RHOU: variants seen among roughly 807,000 people sequenced by gnomAD.
RHOU encodes the protein rho-related GTP-binding protein RhoU.
RHOU carries 8 observed loss-of-function variants against 12.6 expected under a neutral mutation model. That is an observed-to-expected ratio of 0.64 (90% CI 0.37 to 1.15). The LOEUF (loss-of-function observed/expected upper bound fraction) is 1.15. Among genes scored for constraint, RHOU ranks in the 50% most tolerant of loss-of-function variants. The pLI is 0.01. For synonymous variants in RHOU, 161 were observed against 147.4 expected (o/e 1.09, Z -0.67); for missense variants, 258 against 347.0 (o/e 0.74, Z 2.04).
At chr1:228,706,491 A>T in the RHOU span, among the ~76,000 whole-genome samples, 2 of 152,198 alleles carry the variant, frequency 1.3e-5, no homozygotes, top group Non-Finnish European at 2.9e-5. Flanking sequence ...TGAACAGTTA[A>T]CTGCCTATGA....
At chr1:228,670,349 G>T in the RHOU span, among the ~76,000 whole-genome samples, 4 of 152,228 alleles carry the variant, frequency 2.6e-5, no homozygotes, top group African/African-American at 9.6e-5. Flanking sequence ...CGCTAGCTGG[G>T]CAGTTGCCCA....
At chr1:228,736,869 CA>C (rs1403292763) in intron 1 of RHOU, among the ~76,000 whole-genome samples, 1 of 152,190 alleles carries the variant, frequency 6.6e-6, no homozygotes, top group East Asian at 1.9e-4. Context: ...CCTTTCATCC[CA>C]AAGGTACCTT....
At chr1:228,664,273 A>G in the RHOU span, among the ~76,000 whole-genome samples, 2 of 151,154 alleles carry the variant, frequency 1.3e-5, no homozygotes, top group African/African-American at 4.9e-5. Context: ...CGGCCTCCCA[A>G]AGTGTTGGGA....
chr1:228,707,080 G>A, the RHOU span, among the ~76,000 whole-genome samples: 1 of 132,766 alleles, frequency 7.5e-6, no homozygotes, highest in Non-Finnish European at 1.6e-5. Flanking sequence ...CGCTGCCTTT[G>A]GGACCTTTAG....
At chr1:228,647,427 G>T in the RHOU span, among the ~76,000 whole-genome samples, 1 of 152,338 alleles carries the variant, frequency 6.6e-6, no homozygotes, top group African/African-American at 2.4e-5. Flanking sequence ...TTGACACGAA[G>T]TGCGGGGCAA....
chr1:228,734,151 T>G (rs1200194960), upstream of RHOU, among the ~76,000 whole-genome samples: 1 of 152,154 alleles, frequency 6.6e-6, no homozygotes, highest in African/African-American at 2.4e-5. Context: ...AAGTTACAGT[T>G]TAAAAAGACA....
At chr1:228,703,255 G>A in the RHOU span, among the ~76,000 whole-genome samples, 100 of 151,046 alleles carry the variant, frequency 6.6e-4, no homozygotes, top group African/African-American at 2.2e-3. Flanking sequence ...GGCCAGGCGC[G>A]GCGTCTCACA....
the RHOU span, among the ~76,000 whole-genome samples, chr1:228,701,416 T>A: frequency 6.6e-6 from 1 of 152,172 alleles, no homozygotes; most frequent in Non-Finnish European, 1.5e-5. Flanking sequence ...AATCTATCTC[T>A]CCTTTTCTCC....
the RHOU span, among the ~76,000 whole-genome samples, chr1:228,647,197 C>T: frequency 6.6e-6 from 1 of 152,212 alleles, no homozygotes. Flanking sequence ...CAACGGAGCG[C>T]TGAGACGGGT....
chr1:228,671,712 CAAAAAAA>C, the RHOU span, among the ~76,000 whole-genome samples: 15 of 65,248 alleles, frequency 2.3e-4, no homozygotes, highest in African/African-American at 3.2e-4. Flanking sequence ...GACTCCATCT[CAAAAAAA>C]AAAAAAAAAA....
chr1:228,707,392 G>A, the RHOU span, among the ~76,000 whole-genome samples: 1 of 149,262 alleles, frequency 6.7e-6, no homozygotes, highest in Non-Finnish European at 1.5e-5. Context: ...ACAGAAGATG[G>A]GTGATTTCTG....
At chr1:228,730,810 A>C (rs934651074), upstream of RHOU, among the ~76,000 whole-genome samples, 1 of 152,224 alleles carries the variant, frequency 6.6e-6, no homozygotes, top group African/African-American at 2.4e-5. Flanking sequence ...GATCCAAAAA[A>C]ACCGTGCTGT....
the RHOU span, among the ~76,000 whole-genome samples, chr1:228,657,479 G>A: frequency 2.6e-4 from 40 of 152,072 alleles, no homozygotes; most frequent in African/African-American, 9.2e-4. Flanking sequence ...ACAAGATAAT[G>A]TAACAATTGT....
chr1:228,700,926 A>G, the RHOU span, among the ~76,000 whole-genome samples: 1 of 152,032 alleles, frequency 6.6e-6, no homozygotes, highest in African/African-American at 2.4e-5. Context: ...ATCTTTACAA[A>G]AAACACAAAA....
At chr1:228,647,555 C>T in the RHOU span, among the ~76,000 whole-genome samples, 10 of 152,192 alleles carry the variant, frequency 6.6e-5, no homozygotes, top group African/African-American at 2.2e-4. Context: ...TCTGTGGTAC[C>T]CGCTGCCCCT....
At chr1:228,658,535 G>C in the RHOU span, among the ~76,000 whole-genome samples, 1 of 152,094 alleles carries the variant, frequency 6.6e-6, no homozygotes, top group Admixed American at 6.6e-5. Context: ...CCTTGATCTT[G>C]GACACCCCAG....
At chr1:228,672,668 ATTAGT>A in the RHOU span, among the ~76,000 whole-genome samples, 3 of 152,190 alleles carry the variant, frequency 2.0e-5, no homozygotes, top group Non-Finnish European at 2.9e-5. Context: ...GAGTGGAGAA[ATTAGT>A]TTAAACTACC....
the RHOU span, among the ~76,000 whole-genome samples, chr1:228,672,278 C>T: frequency 6.6e-6 from 1 of 152,158 alleles, no homozygotes; most frequent in Non-Finnish European, 1.5e-5. Flanking sequence ...AGCAATTCTC[C>T]CACCTCTGGA....
chr1:228,714,536 A>G, the RHOU span, among the ~76,000 whole-genome samples: 3 of 152,196 alleles, frequency 2.0e-5, no homozygotes, highest in Non-Finnish European at 2.9e-5. Context: ...CAACAAGTCA[A>G]TTTTGGCTAA....
Sources: allele counts gnomAD v4.1 joint callset (sites outside exome capture counted in the v4.1 genomes callset), GRCh38; gene constraint gnomAD v4.1.1; transcripts MANE v1.5; gene names NCBI Gene and HGNC (gene_info 2026-07-23, HGNC 2026-07-21).